SLC12A1: variants seen among roughly 807,000 people sequenced by gnomAD.
SLC12A1 encodes the protein Na-K-2Cl cotransporter.
In SLC12A1, 89 loss-of-function variants were observed where a neutral mutation model predicts 130.4. That is an observed-to-expected ratio of 0.68 (90% CI 0.58 to 0.81). The LOEUF is 0.81. Ranked by LOEUF, SLC12A1 falls within the 40% of genes least tolerant of loss-of-function variation. The pLI, the probability that SLC12A1 is intolerant of heterozygous loss-of-function variation, is 0.00. For synonymous variants in SLC12A1, 499 were observed against 460.0 expected, an observed-to-expected ratio of 1.08 and a Z score of -1.09; for missense variants, 1,310 against 1,336.4, an observed-to-expected ratio of 0.98 and a Z score of 0.31.
chr15:48,242,728 G>T (rs1016330416), intron 10 of SLC12A1, among the ~76,000 whole-genome samples: 1 of 152,186 alleles, frequency 6.6e-6, no homozygotes, highest in Non-Finnish European at 1.5e-5. Context: ...CTTAAGCCTG[G>T]AAGGTCAAGG....
chr15:48,241,547 G>T lies in SLC12A1; in HGVS notation c.1248G>T (p.Met416Ile), dbSNP rs888238972. The stretch of plus-strand genomic sequence containing the variant: ...AAGATGCCATCCCCAGAGGAACCAT[G>T]CTGGCCATTTTCATCACCACTGTTG... ...DPQDAIPRGT[M>I]LAIFITTVAY... Residue 416 changes from methionine (M) to isoleucine (I), a missense_variant, in exon 10 of 27, where the codon ATG (methionine) becomes ATT (isoleucine). Met to Ile is a conservative substitution (Grantham distance 10). Transcript: ENST00000380993. 2.5e-6 allele frequency: 4 copies of T among 1,613,846 alleles called. No homozygotes were observed. The Admixed American group carries it at 5.0e-5, about 20-fold the overall frequency.
At chr15:48,245,347 C>T (rs567198844) in intron 11 of SLC12A1, among the ~76,000 whole-genome samples, 17 of 152,234 alleles carry the variant, frequency 1.1e-4, no homozygotes, top group Non-Finnish European at 2.1e-4. Context: ...CAACAAGTAG[C>T]CTCTGTTCAC....
chr15:48,225,776 C>A, intron 4 of SLC12A1: 2 of 356,740 alleles, frequency 5.6e-6, no homozygotes, highest in East Asian at 1.6e-4. Context: ...TTACCCTAGA[C>A]TTGCTGGTTT....
chr15:48,279,637 T>G (rs1311947870), intron 20 of SLC12A1, among the ~76,000 whole-genome samples: 1 of 152,204 alleles, frequency 6.6e-6, no homozygotes, highest in Non-Finnish European at 1.5e-5. Context: ...AGCCATGATA[T>G]TTCATACTGC....
chr15:48,217,640 G>A (rs2041140115), intron 2 of SLC12A1, among the ~76,000 whole-genome samples: 1 of 151,940 alleles, frequency 6.6e-6, no homozygotes, highest in South Asian at 2.1e-4. Flanking sequence ...CCTTTTAAAT[G>A]TGACCTACCC....
chr15:48,251,185 G>A (rs371692897), intron 14 of SLC12A1, among the ~76,000 whole-genome samples: 91 of 152,012 alleles, frequency 6.0e-4, no homozygotes, highest in Non-Finnish European at 1.0e-3. Context: ...CCTTCTCCAA[G>A]GGAGCAAAAA....
At chr15:48,289,377 T>C (rs953736386) in intron 23 of SLC12A1, among the ~76,000 whole-genome samples, 1 of 128,820 alleles carries the variant, frequency 7.8e-6, no homozygotes, top group African/African-American at 2.8e-5. Flanking sequence ...TTAGGATGTA[T>C]TATGCTGTGA....
intron 24 of SLC12A1, among the ~76,000 whole-genome samples, chr15:48,295,387 A>G (rs527883693): frequency 6.6e-6 from 1 of 152,232 alleles, no homozygotes; most frequent in African/African-American, 2.4e-5. Context: ...GTCTCTATCT[A>G]GCTGCCATGG....
At chr15:48,219,922 T>C (rs2041179845) in intron 2 of SLC12A1, among the ~76,000 whole-genome samples, 2 of 151,492 alleles carry the variant, frequency 1.3e-5, no homozygotes. Context: ...GGTGTGGTGG[T>C]GCGCGCCTGT....
At chr15:48,254,592 TAAAAAAAAAAAAAAAAAAA>T (rs550686114) in intron 15 of SLC12A1, among the ~76,000 whole-genome samples, 970 of 52,900 alleles carry the variant, frequency 0.018, 16 homozygotes, top group Admixed American at 0.038. Flanking sequence ...CTTAAATTCG[TAAAAAAAAAAAAAAAAAAA>T]AAAAAAAAAA....
At chr15:48,301,914 G>A (rs2141133747) in intron 26 of SLC12A1, among the ~76,000 whole-genome samples, 1 of 152,184 alleles carries the variant, frequency 6.6e-6, no homozygotes, top group African/African-American at 2.4e-5. Flanking sequence ...CTTAAAGGTT[G>A]GTATTTAAAC....
Position 48,301,295 on chromosome 15 carries a change from A to T in SLC12A1, c.3097-20A>T. 6.4e-7 allele frequency: 1 copy of T among 1,574,358 alleles called. No individual in the cohort carries two copies. Among genetic ancestry groups the T allele is most frequent in the Non-Finnish European group, 8.7e-7 (1 of 1,152,514 alleles). ...AATTCTGGTAGAACTGTACTCAACA[A>T]ATCTGAATGTTGCCCACAGAGTTAC... On this transcript the variant is annotated intron_variant, in intron 25 of 26. Coordinates refer to ENST00000380993, the MANE Select transcript of SLC12A1 (RefSeq NM_000338.3).
chr15:48,210,462 C>G (rs930327489), intron 2 of SLC12A1, among the ~76,000 whole-genome samples: 8 of 152,142 alleles, frequency 5.3e-5, no homozygotes, highest in South Asian at 4.1e-4. Flanking sequence ...GACTGACATT[C>G]CCGACAGAGA....
At chr15:48,227,454 T>C (rs1210152600) in intron 5 of SLC12A1, 3 of 409,098 alleles carry the variant, frequency 7.3e-6, no homozygotes, top group African/African-American at 2.0e-5. Context: ...ATATGGTTTC[T>C]TTGTACCTTG....
chr15:48,237,035 C>T (rs1362847313), intron 9 of SLC12A1: 4 of 702,352 alleles, frequency 5.7e-6, no homozygotes, highest in African/African-American at 3.5e-5. Flanking sequence ...AGCTCAGAGT[C>T]GAAGGAGGAG....
intron 15 of SLC12A1, 76 bp downstream of exon 15, chr15:48,251,846 G>A: frequency 7.9e-7 from 1 of 1,264,710 alleles, no homozygotes; most frequent in Non-Finnish European, 1.1e-6. Context: ...TTATTGAGCA[G>A]CTTCTATGGG....
intron 2 of SLC12A1, among the ~76,000 whole-genome samples, chr15:48,209,956 G>C (rs2041032445): frequency 6.6e-6 from 1 of 152,220 alleles, no homozygotes; most frequent in Admixed American, 6.5e-5. Flanking sequence ...CATATTTGAT[G>C]CTTTAATCAA....
chr15:48,237,314 C>T (rs1310508512), intron 9 of SLC12A1: 16 of 248,720 alleles, frequency 6.4e-5, no homozygotes, highest in Non-Finnish European at 7.6e-5. Context: ...GTATGTAATC[C>T]TTCATTAATA....
intron 17 of SLC12A1, among the ~76,000 whole-genome samples, chr15:48,261,063 C>G (rs1196835599): frequency 6.6e-6 from 1 of 152,106 alleles, no homozygotes; most frequent in Non-Finnish European, 1.5e-5. Flanking sequence ...TCAAGCACCC[C>G]TCTCTCATAT....
Sources: gnomAD v4.1 joint callset for allele counts (sites outside exome capture counted in the v4.1 genomes callset) on GRCh38, gnomAD v4.1.1 for gene constraint, MANE v1.5 for transcripts, NCBI Gene and HGNC (gene_info 2026-07-23, HGNC 2026-07-21) for gene names.